ATPAF1: variants seen among roughly 807,000 people sequenced by gnomAD.
The protein encoded by ATPAF1 is homolog of yeast ATP11.
Under a neutral mutation model 43.9 loss-of-function variants are expected in ATPAF1, and 26 were observed. The observed-to-expected ratio is 0.59, with a 90% confidence interval of 0.43 to 0.82. The LOEUF (loss-of-function observed/expected upper bound fraction) is 0.82. Among genes scored for constraint, ATPAF1 ranks in the 40% least tolerant of loss-of-function variants. The probability of loss-of-function intolerance (pLI) is 0.00; values close to 1 mark genes in which losing one functional copy is unlikely to be tolerated. For missense variants in ATPAF1, 366 were observed against 435.0 expected (o/e 0.84, Z 1.41); for synonymous variants, 157 against 168.0 (o/e 0.93, Z 0.50).
chr1:46,650,252 A>G (rs1044868745), intron 6 of ATPAF1, among the ~76,000 whole-genome samples: 35 of 152,030 alleles, frequency 2.3e-4, no homozygotes, highest in Non-Finnish European at 5.0e-4. Flanking sequence ...TTACGAAAAA[A>G]AAAAAGACAA....
At chr1:46,644,913 G>A (rs1202900198) in intron 7 of ATPAF1, among the ~76,000 whole-genome samples, 1 of 152,180 alleles carries the variant, frequency 6.6e-6, no homozygotes, top group Non-Finnish European at 1.5e-5. Context: ...ACAACTAGAG[G>A]TCTGGGGAAG....
At chr1:46,643,777 C>T (rs1031258998) in intron 7 of ATPAF1, among the ~76,000 whole-genome samples, 1 of 152,114 alleles carries the variant, frequency 6.6e-6, no homozygotes, top group African/African-American at 2.4e-5. Flanking sequence ...TAATGTGCAG[C>T]TCTAAAATAT....
chr1:46,635,689 T>C, exon 9 of ATPAF1: 1 of 1,329,436 alleles, frequency 7.5e-7, no homozygotes, highest in South Asian at 1.4e-5. Context: ...TCATTATAAA[T>C]GCTGAGCTCT....
Position 46,657,870 on chromosome 1 carries a change from A to G in ATPAF1, c.489+257T>C, listed in dbSNP as rs578039860. ...AAAGGTAGTGCAGTAATCCAGGTACAGAGTACTGATGAGGGTTACACGAGA... is the reference window on the plus strand; with the variant it reads ...AAAGGTAGTGCAGTAATCCAGGTACGGAGTACTGATGAGGGTTACACGAGA... On this transcript the variant is annotated intron_variant, in intron 4 of 8. Coordinates refer to ENST00000574428, the Ensembl canonical transcript of ATPAF1. 3.4e-4 allele frequency among the ~76,000 whole-genome samples: 52 copies of G among 152,342 alleles called. 1 individual carries two copies. Among genetic ancestry groups the G allele is most frequent in the African/African-American group, 1.1e-3 (44 of 41,588 alleles).
intron 7 of ATPAF1, among the ~76,000 whole-genome samples, chr1:46,644,858 A>G (rs1676010998): frequency 6.6e-6 from 1 of 152,212 alleles, no homozygotes; most frequent in Non-Finnish European, 1.5e-5. Context: ...AAAGATAGCC[A>G]TCATAACTCA....
At chr1:46,649,801 T>C (rs1676129248) in intron 6 of ATPAF1, among the ~76,000 whole-genome samples, 2 of 151,986 alleles carry the variant, frequency 1.3e-5, no homozygotes, top group East Asian at 1.9e-4. Flanking sequence ...GGGTGCATGT[T>C]TGTAATCCCA....
At chr1:46,663,193 T>C (rs1676427072) in intron 2 of ATPAF1, among the ~76,000 whole-genome samples, 1 of 152,228 alleles carries the variant, frequency 6.6e-6, no homozygotes, top group South Asian at 2.1e-4. Flanking sequence ...TGTTGGACAT[T>C]TGGGTTGGTT....
chr1:46,647,990 A>G (rs1035176184), intron 6 of ATPAF1, among the ~76,000 whole-genome samples: 2 of 152,234 alleles, frequency 1.3e-5, no homozygotes, highest in African/African-American at 2.4e-5. Context: ...TTATTGAGTT[A>G]TAAGAATTTC....
At chr1:46,646,591 T>C (rs1676049462) in intron 6 of ATPAF1, among the ~76,000 whole-genome samples, 3 of 152,324 alleles carry the variant, frequency 2.0e-5, no homozygotes, top group South Asian at 4.1e-4. Context: ...TATCTTCTTA[T>C]TGTCAACCAC....
At chr1:46,664,598 G>A (rs1676455496) in intron 2 of ATPAF1, 1 of 152,200 alleles carries the variant, frequency 6.6e-6, no homozygotes. Context: ...TACTTTCAAA[G>A]CTCTTCCTCT....
rs533762913 is a variant in ATPAF1, at chr1:46,654,001, T to C, written c.490-134A>G. ...GAGAGGAAAAACCCAGTATAACGCTTTCATTACTAGCACATCACAAAAAAG... is the reference window on the plus strand; with the variant it reads ...GAGAGGAAAAACCCAGTATAACGCTCTCATTACTAGCACATCACAAAAAAG... On this transcript the variant is annotated intron_variant, in intron 4 of 8. Coordinates refer to ENST00000574428, the Ensembl canonical transcript of ATPAF1. 24 of 666,926 alleles carry C rather than the reference T, an allele frequency of 3.6e-5. No individual in the cohort carries two copies. The African/African-American group carries it at 4.1e-4, about 11-fold the overall frequency. The allele number at this position is 666,926 out of a possible 1,614,324, so 41.3% of individuals were successfully genotyped here. A position where few individuals can be genotyped will look rare whatever the true frequency, so the allele number is the denominator to read the frequency against.
chr1:46,654,665 T>C (rs1557930973), intron 4 of ATPAF1, among the ~76,000 whole-genome samples: 1 of 151,946 alleles, frequency 6.6e-6, no homozygotes, highest in Non-Finnish European at 1.5e-5. Context: ...ACTTTAAGTA[T>C]TTCTCCTAAT....
chr1:46,658,290 A>C (rs981929348), intron 3 of ATPAF1, 101 bp from the exon 4 acceptor site: 2 of 950,110 alleles, frequency 2.1e-6, no homozygotes, highest in Non-Finnish European at 3.2e-6. Context: ...AGGACAATGA[A>C]ACAGATTTCC....
intron 4 of ATPAF1, among the ~76,000 whole-genome samples, chr1:46,654,610 A>G (rs1055219020): frequency 6.6e-5 from 10 of 151,190 alleles, no homozygotes; most frequent in Admixed American, 1.3e-4. Context: ...TTACATAGGT[A>G]TACGTGTGCC....
upstream of ATPAF1, chr1:46,668,473 C>G: frequency 8.8e-6 from 5 of 566,052 alleles, no homozygotes; most frequent in East Asian, 1.1e-4. This position sits in a 1 kb window ranked among gnomAD's most constrained non-coding sequence, Gnocchi z 4.4. Context: ...AGCGGCGAGG[C>G]GGGGCGGGGA....
In ATPAF1 at chr1:46,653,821, A is replaced by G; in HGVS notation, c.536T>C (p.Ile179Thr). Residue 179 changes from isoleucine to threonine, a missense_variant, in exon 5 of 9, where the codon ATT (isoleucine) becomes ACT (threonine). By Grantham distance (89) the Ile-to-Thr change is moderately conservative. Around this residue, in one of 2 missense-constraint regions of ATPAF1, gnomAD observed 180 missense variants for 266.5 expected, o/e 0.68. Transcript: ENST00000574428. This position sits in a 1 kb window ranked among gnomAD's most constrained non-coding sequence, Gnocchi z 4.8. The stretch of plus-strand genomic sequence containing the variant: ...TTTGCCCTCCAAACTACTTACAGGA[A>G]TAACTGCGTAGACTGTATCTTTTGC... 1.2e-6 allele frequency: 2 copies of G among 1,609,552 alleles called. No individual in the cohort carries two copies. The highest frequency in any genetic ancestry group is 8.5e-7 in the Non-Finnish European group (1 of 1,178,004).
At chr1:46,658,243 AGC>A in intron 3 of ATPAF1, 54 bp from the exon 4 acceptor site, 2 of 1,138,686 alleles carry the variant, frequency 1.8e-6, no homozygotes, top group Non-Finnish European at 2.6e-6. Context: ...AAAAAAAAAC[AGC>A]TTAACTCTAT....
chr1:46,664,689 C>T (rs778621484), intron 2 of ATPAF1: 1 of 152,284 alleles, frequency 6.6e-6, no homozygotes, highest in Non-Finnish European at 1.5e-5. Context: ...TAAATCTAGT[C>T]TGCCAAATAT....
chr1:46,659,841 A>G (rs573158559), intron 2 of ATPAF1, among the ~76,000 whole-genome samples: 1 of 152,308 alleles, frequency 6.6e-6, no homozygotes, highest in African/African-American at 2.4e-5. Flanking sequence ...TAGAACCTGT[A>G]CCCACAAATT....
Sources: gnomAD v4.1 joint callset for allele counts (sites outside exome capture counted in the v4.1 genomes callset) on GRCh38, gnomAD v4.1.1 for gene constraint, gnomAD v4.1.1 regional missense constraint, Gnocchi (gnomAD v3.1) non-coding constraint, MANE v1.5 for transcripts, NCBI Gene and HGNC (gene_info 2026-07-23, HGNC 2026-07-21) for gene names.